SUPT20H: variants seen among roughly 807,000 people sequenced by gnomAD.
SUPT20H encodes SPT20 homolog, SAGA complex component, also known as transcription factor SPT20 homolog.
SUPT20H carries 82 observed loss-of-function variants against 122.8 expected under a neutral mutation model. The ratio of observed to expected loss-of-function variants is 0.67; its 90% confidence interval spans 0.56 to 0.80. The LOEUF is 0.80. SUPT20H is among the 30% of genes least tolerant of loss of function. The pLI is 0.00. For missense variants in SUPT20H, 831 were observed against 921.6 expected (o/e 0.90, Z 1.27); for synonymous variants, 291 against 313.0 (o/e 0.93, Z 0.74).
At position 37,019,465 on chromosome 13, in the gene SUPT20H, T is replaced by C; in HGVS notation, c.1817-68A>G. ...TTACACATGAAAATAATTTATACTTTAGTATATATAAGTACAATAATTTTA... is the reference window on the plus strand; with the variant it reads ...TTACACATGAAAATAATTTATACTTCAGTATATATAAGTACAATAATTTTA... On this transcript the variant is annotated intron_variant, in intron 21 of 25. Transcript: ENST00000350612. 4 of 1,102,904 alleles carry C rather than the reference T, an allele frequency of 3.6e-6. No homozygotes were observed. In the South Asian group the frequency reaches 6.3e-5, roughly 17 times the overall value. The allele number at this position is 1,102,904 out of a possible 1,614,324, so 68.3% of individuals were successfully genotyped here.
At position 37,009,341 on chromosome 13, in the gene SUPT20H, T is replaced by G. The variant is rs117340034; in HGVS notation, c.*331A>C. 9.4e-4 allele frequency: 1,051 copies of G among 1,123,170 alleles called. 22 individuals carry two copies. The East Asian group carries it at 0.024, about 25-fold the overall frequency. 69.6% of individuals were successfully genotyped at this position (1,123,170 alleles called of 1,614,324 possible). ...CAAAACAGATTTGTAAAAATTGTAT[T>G]TGTTAACACTGTGCACAAACGTTTT... On this transcript the variant is annotated 3_prime_UTR_variant, in exon 26 of 26. Coordinates refer to ENST00000350612, the MANE Select transcript of SUPT20H (RefSeq NM_001014286.3).
chr13:37,019,157 G>A (rs565316012), intron 22 of SUPT20H, among the ~76,000 whole-genome samples, 185 bp downstream of exon 22: 56 of 152,174 alleles, frequency 3.7e-4, no homozygotes, highest in Non-Finnish European at 6.5e-4. Context: ...CCAAAGTGTG[G>A]TATATAGGAT....
rs142589178 is a variant in SUPT20H, at chr13:37,037,226, C to T, written c.567+3179G>A. Among the ~76,000 whole-genome samples the T allele has an allele frequency of 1.5e-3, 232 of 150,740 alleles. 1 individual carries two copies. Among genetic ancestry groups the T allele is most frequent in the African/African-American group, 5.4e-3 (224 of 41,160 alleles). On this transcript the variant is annotated intron_variant, in intron 9 of 25. Transcript: ENST00000350612. ...AAAAAAAAAAAATCCAGTAAGGCTTCCCAGCCAACAGTAGGTATTAGTAGT... is the reference window on the plus strand; with the variant it reads ...AAAAAAAAAAAATCCAGTAAGGCTTTCCAGCCAACAGTAGGTATTAGTAGT...
intron 24 of SUPT20H, 33 bp from the exon 25 acceptor site, chr13:37,010,688 CA>C: frequency 1.9e-6 from 3 of 1,572,232 alleles, no homozygotes; most frequent in South Asian, 1.1e-5. Flanking sequence ...GCAGGCCAGT[CA>C]AAAAGTTTGA....
intron 12 of SUPT20H, among the ~76,000 whole-genome samples, chr13:37,030,393 T>C (rs1451003306): frequency 6.6e-6 from 1 of 152,188 alleles, no homozygotes; most frequent in Non-Finnish European, 1.5e-5. Context: ...GCAACCACGA[T>C]CTTAAGAGTA....
intron 9 of SUPT20H, among the ~76,000 whole-genome samples, chr13:37,035,571 A>G (rs1303700280): frequency 2.6e-5 from 4 of 151,274 alleles, no homozygotes; most frequent in African/African-American, 9.7e-5. Context: ...CCCAGGCTAG[A>G]GTGCAATGGC....
intron 23 of SUPT20H, among the ~76,000 whole-genome samples, chr13:37,015,147 AAG>A (rs970930867): frequency 1.6e-4 from 25 of 152,138 alleles, no homozygotes; most frequent in African/African-American, 6.0e-4. Flanking sequence ...GAAAAGTAAA[AAG>A]AGAAAATGAA....
intron 2 of SUPT20H, among the ~76,000 whole-genome samples, chr13:37,050,170 A>G (rs1244383837): frequency 6.6e-6 from 1 of 152,134 alleles, no homozygotes; most frequent in Non-Finnish European, 1.5e-5. Context: ...ACAAAGTCTG[A>G]AATCTGCCAT....
intron 21 of SUPT20H, 84 bp downstream of exon 21, chr13:37,021,364 C>CT (rs2061438185): frequency 1.5e-6 from 2 of 1,336,520 alleles, no homozygotes; most frequent in African/African-American, 1.5e-5. Context: ...CATTAAATGC[C>CT]TTTAGCATTA....
At chr13:37,028,436 A>C in intron 13 of SUPT20H, 131 bp from the exon 14 acceptor site, 1 of 835,268 alleles carries the variant, frequency 1.2e-6, no homozygotes, top group South Asian at 1.9e-5. Flanking sequence ...CTTAGGCTAC[A>C]AAGATATTTA....
Position 37,044,128 on chromosome 13 carries a change from C to T in SUPT20H, c.346G>A (p.Asp116Asn). ...YEEGELLEYLDAEELPPILVD... is the reference protein window; with the variant it reads ...YEEGELLEYLNAEELPPILVD... ...AAAATAGGAGGTAATTCTTCTGCATCCAAATATTCAAGCAACTCTCCTTCT... is the reference window on the plus strand; with the variant it reads ...AAAATAGGAGGTAATTCTTCTGCATTCAAATATTCAAGCAACTCTCCTTCT... Residue 116 changes from aspartate (D) to asparagine (N), a missense_variant, in exon 7 of 26, where the codon GAT becomes AAT. Asp to Asn is a conservative substitution (Grantham distance 23). Coordinates refer to ENST00000350612, the MANE Select transcript of SUPT20H (RefSeq NM_001014286.3). 2 of 1,612,888 alleles carry T rather than the reference C, an allele frequency of 1.2e-6. No homozygotes were observed. Among genetic ancestry groups the T allele is most frequent in the Non-Finnish European group, 1.7e-6 (2 of 1,179,528 alleles).
intron 19 of SUPT20H, among the ~76,000 whole-genome samples, chr13:37,023,384 T>C (rs774944748): frequency 1.4e-4 from 22 of 152,342 alleles, no homozygotes; most frequent in Non-Finnish European, 3.1e-4. Flanking sequence ...AGATATTTAC[T>C]AATTTGAAGA....
chr13:37,051,860 G>C (rs2067776092), intron 1 of SUPT20H, among the ~76,000 whole-genome samples: 1 of 151,788 alleles, frequency 6.6e-6, no homozygotes, highest in Non-Finnish European at 1.5e-5. Context: ...TCTCCAGAGA[G>C]AAAAAAAATA....
intron 5 of SUPT20H, chr13:37,047,012 T>C (rs2066600782): frequency 6.6e-6 from 1 of 152,236 alleles, no homozygotes; most frequent in Non-Finnish European, 1.5e-5. Context: ...TAAATCGACT[T>C]CTGTTACATG....
chr13:37,053,856 T>C (rs1029953116), intron 1 of SUPT20H, among the ~76,000 whole-genome samples: 5 of 152,128 alleles, frequency 3.3e-5, no homozygotes, highest in Admixed American at 6.5e-5. Context: ...ATCAACAAAA[T>C]TGATAGACTG....
intron 1 of SUPT20H, among the ~76,000 whole-genome samples, chr13:37,054,390 T>C (rs1416826571): frequency 6.6e-6 from 1 of 152,140 alleles, no homozygotes; most frequent in Non-Finnish European, 1.5e-5. Flanking sequence ...GCAAATCGAA[T>C]CCAGCAGCAC....
intron 5 of SUPT20H, among the ~76,000 whole-genome samples, chr13:37,045,819 A>AT (rs1178108206): frequency 1.3e-5 from 2 of 152,138 alleles, no homozygotes; most frequent in East Asian, 3.8e-4. Flanking sequence ...TTTCTTAAAT[A>AT]TTTTATAGGC....
intron 17 of SUPT20H, chr13:37,024,703 G>C (rs2061924701): frequency 8.5e-6 from 2 of 236,000 alleles, no homozygotes. Flanking sequence ...AGGGTGGGAA[G>C]AGAGAGTTTT....
Position 37,022,941 on chromosome 13 carries a change from G to A in SUPT20H, c.1592-861C>T, listed in dbSNP as rs1594044196. On this transcript the variant is annotated intron_variant, in intron 19 of 25. Coordinates refer to ENST00000350612, the MANE Select transcript of SUPT20H (RefSeq NM_001014286.3). This position sits in a 1 kb window ranked among gnomAD's most constrained non-coding sequence, Gnocchi z 4.5. ...GTATAGAAAATCTGTTGTGAATGAA[G>A]TATGCACAGTTTATCAATTTTTTAA... 2 of 1,218,340 alleles carry A rather than the reference G, an allele frequency of 1.6e-6. No individual in the cohort carries two copies. Among genetic ancestry groups the A allele is most frequent in the South Asian group, 2.9e-5 (2 of 68,906 alleles). The allele number at this position is 1,218,340 out of a possible 1,614,324, so 75.5% of individuals were successfully genotyped here. A position where few individuals can be genotyped will look rare whatever the true frequency, so the allele number is the denominator to read the frequency against.
Sources: gnomAD v4.1 joint callset for allele counts (sites outside exome capture counted in the v4.1 genomes callset) on GRCh38, gnomAD v4.1.1 for gene constraint, Gnocchi (gnomAD v3.1) non-coding constraint, MANE v1.5 for transcripts, NCBI Gene and HGNC (gene_info 2026-07-23, HGNC 2026-07-21) for gene names.